Variants in KMT2B observed in about 807,000 individuals in gnomAD.
KMT2B encodes the protein lysine methyltransferase 2B.
A neutral mutation model predicts 255.3 loss-of-function variants in KMT2B; 22 were observed. The observed-to-expected ratio is 0.09, with a 90% CI of 0.06 to 0.12. The LOEUF (loss-of-function observed/expected upper bound fraction) is 0.12, where lower values mean the gene tolerates loss of function less well. KMT2B is among the 10% of genes least tolerant of loss of function. The pLI is 1.00. For synonymous variants in KMT2B, 1,730 were observed against 1,498.1 expected, an observed-to-expected ratio of 1.15 and a Z score of -3.57; for missense variants, 3,149 against 3,737.0, an observed-to-expected ratio of 0.84 and a Z score of 4.10.
At position 35,733,640 on chromosome 19, in the gene KMT2B, C is replaced by A; in HGVS notation, c.7003C>A (p.Leu2335Ile). ...RMKTPTVRGV[L>I]DLDRPGEPAG... ...GAAAACCCCCACAGTGCGTGGGGTC[C>A]TTGACCTGGATCGGCCTGGGGAGCC... The change falls in exon 29 of 37, where the codon CTT becomes ATT. Residue 2335 changes from leucine to isoleucine, a missense_variant. Leu to Ile is a conservative substitution (Grantham distance 5). Coordinates refer to ENST00000420124, the MANE Select transcript of KMT2B (RefSeq NM_014727.3). This position sits in a 1 kb window ranked among gnomAD's most constrained non-coding sequence, Gnocchi z 4.3. 1 of 1,598,056 alleles carries A rather than the reference C, an allele frequency of 6.3e-7. No individual in the cohort carries two copies. The highest frequency in any genetic ancestry group is 8.5e-7 in the Non-Finnish European group (1 of 1,172,772).
chr19:35,733,218 C>G lies in KMT2B; in HGVS notation c.6669C>G (p.Thr2223=), dbSNP rs1248979905. 1 of 1,499,070 alleles carries G rather than the reference C, an allele frequency of 6.7e-7. No homozygotes were observed. Among genetic ancestry groups the G allele is most frequent in the Non-Finnish European group, 9.1e-7 (1 of 1,101,054 alleles). 92.9% of individuals were successfully genotyped at this position (1,499,070 alleles called of 1,614,324 possible). A position where few individuals can be genotyped will look rare whatever the true frequency, so the allele number is the denominator to read the frequency against. ...TGAAGCAGCCACCTTTGCCCCCCAC[C>G]ATTTCCCCCACGGCTCCCACCTCCT... ...PPVKQPPLPP[T]ISPTAPTSWT... is the part of the protein sequence containing the mutation. The change falls in exon 28 of 37, where the codon ACC becomes ACG. Residue 2223 remains threonine (T), a synonymous_variant. Coordinates refer to ENST00000420124, the MANE Select transcript of KMT2B (RefSeq NM_014727.3). The surrounding 1 kb of genome is among the most constrained non-coding windows in gnomAD (Gnocchi z 4.3).
Position 35,719,936 on chromosome 19 carries a change from C to T in KMT2B, c.589C>T (p.Leu197Phe). Residue 197 changes from leucine (L) to phenylalanine (F), a missense_variant, in exon 3 of 37, where the codon CTC becomes TTC. Transcript: ENST00000420124. ...ERMVQALTEL[L>F]RRAQAPQAPR... ...GATGGTGCAGGCACTGACTGAACTTCTCCGGCGGGCCCAGGCACCCCAAGC... is the reference window on the plus strand; with the variant it reads ...GATGGTGCAGGCACTGACTGAACTTTTCCGGCGGGCCCAGGCACCCCAAGC... The T allele has an allele frequency of 1.2e-6, 2 of 1,613,432 alleles. No homozygotes were observed. The highest frequency in any genetic ancestry group is 1.1e-5 in the South Asian group (1 of 91,084).
rs772618857 is a variant in KMT2B, at chr19:35,733,586, C to T, written c.6960-11C>T. 41 of 1,565,282 alleles carry T rather than the reference C, an allele frequency of 2.6e-5. No individual in the cohort carries two copies. Among genetic ancestry groups the T allele is most frequent in the Middle Eastern group, 1.7e-4 (1 of 6,016 alleles). On this transcript the variant is annotated splice_polypyrimidine_tract_variant and intron_variant, in intron 28 of 36. Transcript: ENST00000420124. The surrounding 1 kb of genome is among the most constrained non-coding windows in gnomAD (Gnocchi z 4.3). Reference sequence around the variant, plus strand: ...AGATGCGGCTCATCCTTCTCGGGCTCGCCCTCCCAGGTTTAGCCGTGTGAG... The same window carrying T: ...AGATGCGGCTCATCCTTCTCGGGCTTGCCCTCCCAGGTTTAGCCGTGTGAG...
At position 35,738,632 on chromosome 19, in the gene KMT2B, C is replaced by A; in HGVS notation, c.*75C>A. On this transcript the variant is annotated 3_prime_UTR_variant, in exon 37 of 37. Coordinates refer to ENST00000420124, the MANE Select transcript of KMT2B (RefSeq NM_014727.3). The surrounding 1 kb of genome is among the most constrained non-coding windows in gnomAD (Gnocchi z 8.7). ...CCATCTTGCCCCTAGCCTGGGGGCT[C>A]CCTAGCCCCTCCCAGAGCATCTCAC... 2 of 1,452,990 alleles carry A rather than the reference C, an allele frequency of 1.4e-6. No individual in the cohort carries two copies. The highest frequency in any genetic ancestry group is 9.3e-7 in the Non-Finnish European group (1 of 1,070,922). 90.0% of individuals were successfully genotyped at this position (1,452,990 alleles called of 1,614,324 possible). A position where few individuals can be genotyped will look rare whatever the true frequency, so the allele number is the denominator to read the frequency against.
In KMT2B at chr19:35,720,000, G is replaced by A. The variant is rs377667885; in HGVS notation, c.653G>A (p.Arg218Gln). The A allele has an allele frequency of 2.7e-5, 44 of 1,612,908 alleles. No homozygotes were observed. Among genetic ancestry groups the A allele is most frequent in the Non-Finnish European group, 3.6e-5 (42 of 1,179,670 alleles). Residue 218 changes from arginine to glutamine, a missense_variant, in exon 3 of 37, where the codon CGG becomes CAG. Arg to Gln is a conservative substitution (Grantham distance 43). This residue lies in a region of KMT2B where 1,188 missense variants were observed against 1,106.4 expected (regional missense o/e 1.07). Transcript: ENST00000420124. ...GCATGTGAGCCCTCCACCCCCCGGC[G>A]GTCTCGGGGACGGCCCCCAGGACGG... ...SRACEPSTPR[R>Q]SRGRPPGRPA...
At chr19:35,719,598 C>G in intron 2 of KMT2B, 57 bp downstream of exon 2, 1 of 1,533,652 alleles carries the variant, frequency 6.5e-7, no homozygotes, top group Non-Finnish European at 8.9e-7. Flanking sequence ...CCTCGCCCTT[C>G]GTGTCAGCTC....
At chr19:35,721,908 G>T (rs1317563174) in intron 3 of KMT2B, 104 bp downstream of exon 3, 2 of 1,392,846 alleles carry the variant, frequency 1.4e-6, no homozygotes, top group South Asian at 3.1e-5. Context: ...GCATTGCGGG[G>T]AACCCTCAGA....
chr19:35,722,853 G>A (rs1382949237), intron 5 of KMT2B, 135 bp downstream of exon 5: 5 of 1,417,178 alleles, frequency 3.5e-6, no homozygotes, highest in Non-Finnish European at 4.7e-6. Context: ...TGGAGTGCTA[G>A]GTCCTAGAGC....
rs1030211530 is a variant in KMT2B at position 35,738,602 on chromosome 19, C to T, written c.*45C>T. The T allele has an allele frequency of 1.3e-5, 20 of 1,584,660 alleles. No individual in the cohort carries two copies. The highest frequency in any genetic ancestry group is 1.1e-4 in the East Asian group (5 of 44,092). ...GACCCCTCACACCTCCTGCTGCCGT[C>T]GCTGCCATCTTGCCCCTAGCCTGGG... is the stretch of plus-strand genomic sequence containing the variant. On this transcript the variant is annotated 3_prime_UTR_variant, in exon 37 of 37. Coordinates refer to ENST00000420124, the MANE Select transcript of KMT2B (RefSeq NM_014727.3). The surrounding 1 kb of genome is among the most constrained non-coding windows in gnomAD (Gnocchi z 8.7).
Position 35,720,030 on chromosome 19 carries a change from C to G in KMT2B, c.683C>G (p.Ala228Gly). 6.2e-7 allele frequency: 1 copy of G among 1,611,930 alleles called. No individual in the cohort carries two copies. The highest frequency in any genetic ancestry group is 8.5e-7 in the Non-Finnish European group (1 of 1,179,094). ...RSRGRPPGRP[A>G]GPCRRKQQAV... ...CGGGGACGGCCCCCAGGACGGCCAGCAGGCCCCTGCAGGAGGAAGCAGCAA... is the reference window on the plus strand; with the variant it reads ...CGGGGACGGCCCCCAGGACGGCCAGGAGGCCCCTGCAGGAGGAAGCAGCAA... The change falls in exon 3 of 37, where the codon GCA becomes GGA. Residue 228 changes from alanine to glycine, a missense_variant. Transcript: ENST00000420124.
intron 8 of KMT2B, 98 bp from the exon 9 acceptor site, chr19:35,724,539 G>A: frequency 9.5e-7 from 1 of 1,048,580 alleles, no homozygotes; most frequent in Non-Finnish European, 1.4e-6. Flanking sequence ...GTCTTGGTTA[G>A]TTAAAGAAGG....
chr19:35,727,818 T>A lies in KMT2B; in HGVS notation c.4392+31T>A, dbSNP rs754818675. 1.9e-6 allele frequency: 3 copies of A among 1,613,166 alleles called. No individual in the cohort carries two copies. The South Asian group carries it at 3.3e-5, about 18-fold the overall frequency. ...TGGTACACCAGGAGGAGCAGGTGGG[T>A]GGCAGGAGGAGAGGGCTGGAATTGT... On this transcript the variant is annotated intron_variant, in intron 17 of 36. Coordinates refer to ENST00000420124, the MANE Select transcript of KMT2B (RefSeq NM_014727.3). This position sits in a 1 kb window ranked among gnomAD's most constrained non-coding sequence, Gnocchi z 4.2.
At position 35,732,040 on chromosome 19, in the gene KMT2B, C is replaced by G. The variant is rs761233210; in HGVS notation, c.5570C>G (p.Pro1857Arg). Residue 1857 changes from proline to arginine, a missense_variant, in exon 27 of 37, where the codon CCC (proline) becomes CGC (arginine). Physicochemically the swap from Pro to Arg is moderately radical, Grantham distance 103. This residue lies in a region of KMT2B where 897 missense variants were observed against 825.3 expected (regional missense o/e 1.09). Transcript: ENST00000420124. ...TCAGGCAGCGCCCCTCCTCCAGCCC[C>G]CCGTTCTTTTTCGGGGGCTCGAATC... ...PDSGSAPPPA[P>R]RSFSGARIKV... is the part of the protein sequence containing the mutation. 2.5e-6 allele frequency: 4 copies of G among 1,612,934 alleles called. No homozygotes were observed. The highest frequency in any genetic ancestry group is 3.4e-6 in the Non-Finnish European group (4 of 1,179,462).
Position 35,733,307 on chromosome 19 carries a change from C to A in KMT2B, c.6758C>A (p.Pro2253Gln). Residue 2253 changes from proline (P) to glutamine (Q), a missense_variant, in exon 28 of 37, where the codon CCG becomes CAG. Pro to Gln is a moderately conservative substitution (Grantham distance 76, BLOSUM62 -1). This residue lies in a region of KMT2B where 897 missense variants were observed against 825.3 expected (regional missense o/e 1.09). Transcript: ENST00000420124. The surrounding 1 kb of genome is among the most constrained non-coding windows in gnomAD (Gnocchi z 4.3). Reference sequence around the variant, plus strand: ...GTGGTCGGAGTGGTCCGCCCTGCCCCGCCCCCGCCACCCCCTCCCCTGACG... The same window carrying A: ...GTGGTCGGAGTGGTCCGCCCTGCCCAGCCCCCGCCACCCCCTCCCCTGACG... ...LPVVGVVRPA[P>Q]PPPPPPLTLV... 3 of 1,430,066 alleles carry A rather than the reference C, an allele frequency of 2.1e-6. No homozygotes were observed. The highest frequency in any genetic ancestry group is 2.5e-5 in the East Asian group (1 of 40,210). 88.6% of individuals were successfully genotyped at this position (1,430,066 alleles called of 1,614,324 possible). A position where few individuals can be genotyped will look rare whatever the true frequency, so the allele number is the denominator to read the frequency against.
At position 35,732,204 on chromosome 19, in the gene KMT2B, T is replaced by TC. The variant is rs1298095106; in HGVS notation, c.5666-5dup. On this transcript the variant is annotated splice_polypyrimidine_tract_variant and intron_variant, in intron 27 of 36. Transcript: ENST00000420124. The stretch of plus-strand genomic sequence containing the variant: ...TGGGAGCTGCTGGTAACACCAACCC[T>TC]CCCCCCACAGGAAGTCCATCTTCAC... The TC allele has an allele frequency of 3.8e-6, 6 of 1,573,066 alleles. No individual in the cohort carries two copies. Among genetic ancestry groups the TC allele is most frequent in the South Asian group, 1.1e-5 (1 of 86,972 alleles).
Position 35,723,368 on chromosome 19 carries a change from G to A in KMT2B, c.3003-79G>A, listed in dbSNP as rs1030436254. ...TCTGCCTGGCCAGAGCAGTGGGGTT[G>A]GCATTCTTGTGGAGAGCTTCCTCTC... On this transcript the variant is annotated intron_variant, in intron 6 of 36. Coordinates refer to ENST00000420124, the MANE Select transcript of KMT2B (RefSeq NM_014727.3). This position sits in a 1 kb window ranked among gnomAD's most constrained non-coding sequence, Gnocchi z 7.5. 21 of 1,543,588 alleles carry A rather than the reference G, an allele frequency of 1.4e-5. No individual in the cohort carries two copies. The highest frequency in any genetic ancestry group is 2.4e-5 in the East Asian group (1 of 42,504).
rs576791617 is a variant in KMT2B at position 35,721,282 on chromosome 19, A to G, written c.1935A>G (p.Leu645=). The G allele has an allele frequency of 5.5e-6, 7 of 1,275,112 alleles. No individual in the cohort carries two copies. Among genetic ancestry groups the G allele is most frequent in the Non-Finnish European group, 7.1e-6 (7 of 988,928 alleles). 79.0% of individuals were successfully genotyped at this position (1,275,112 alleles called of 1,614,324 possible). A position where few individuals can be genotyped will look rare whatever the true frequency, so the allele number is the denominator to read the frequency against. ...CTGCCACCTCCTCCCGGAGGCCCCTACTCCTTCGGGCCCCTCAGTTTACCC... is the reference window on the plus strand; with the variant it reads ...CTGCCACCTCCTCCCGGAGGCCCCTGCTCCTTCGGGCCCCTCAGTTTACCC... ...PAPATSSRRP[L]LLRAPQFTPS... Residue 645 remains leucine (L), a synonymous_variant, in exon 3 of 37, where the codon CTA becomes CTG. Transcript: ENST00000420124.
Position 35,726,124 on chromosome 19 carries a change from T to C in KMT2B, c.3886-112T>C, listed in dbSNP as rs149390168. 103 of 776,944 alleles carry C rather than the reference T, an allele frequency of 1.3e-4. No homozygotes were observed. In the African/African-American group the frequency reaches 1.5e-3, roughly 11 times the overall value. 48.1% of individuals were successfully genotyped at this position (776,944 alleles called of 1,614,324 possible). ...GTCCTGCGTGTTTTCTCCTCTTACC[T>C]GTCCCTCCTTGCCTGCTTCCTGCAT... is the stretch of plus-strand genomic sequence containing the variant. On this transcript the variant is annotated intron_variant, in intron 13 of 36. Transcript: ENST00000420124.
rs201691099 is a variant in KMT2B, at chr19:35,722,390, C to A, written c.2489C>A (p.Ala830Asp). 4.2e-4 allele frequency: 673 copies of A among 1,610,736 alleles called. 1 individual carries two copies. The highest frequency in any genetic ancestry group is 4.8e-4 in the South Asian group (44 of 90,974). ...LSPGGQMEEV[A>D]GAVKQISDRG... ...CCTGGAGGGCAGATGGAGGAGGTGG[C>A]CGGGGCTGTCAAGCAGATCTCCGAC... is the stretch of plus-strand genomic sequence containing the variant. Residue 830 changes from alanine (A) to aspartate (D), a missense_variant, in exon 4 of 37, where the codon GCC becomes GAC. Around this residue, in one of 18 missense-constraint regions of KMT2B, gnomAD observed 1,188 missense variants for 1,106.4 expected, o/e 1.07. Coordinates refer to ENST00000420124, the MANE Select transcript of KMT2B (RefSeq NM_014727.3).
Sources: allele counts gnomAD v4.1 joint callset, GRCh38; gene constraint gnomAD v4.1.1; regional missense constraint gnomAD v4.1.1; non-coding constraint Gnocchi (gnomAD v3.1); transcripts MANE v1.5; gene names NCBI Gene and HGNC (gene_info 2026-07-23, HGNC 2026-07-21).